Variants in ESR1 observed in about 807,000 individuals in gnomAD.
The protein encoded by ESR1 is estrogen receptor.
ESR1 carries 12 observed loss-of-function variants against 52.7 expected under a neutral mutation model. That is an observed-to-expected ratio of 0.23 (90% CI 0.15 to 0.37). The LOEUF is 0.37. Ranked by LOEUF, ESR1 falls within the 10% of genes least tolerant of loss-of-function variation. ESR1 has a pLI of 1.00. For synonymous variants in ESR1, 305 were observed against 316.8 expected (o/e 0.96, Z 0.39); for missense variants, 584 against 779.7 (o/e 0.75, Z 2.99).
Position 152,061,091 on chromosome 6 carries a change from G to T in ESR1, c.1336G>T (p.Val446Leu). 1 of 1,613,914 alleles carries T rather than the reference G, an allele frequency of 6.2e-7. No individual in the cohort carries two copies. Residue 446 changes from valine (V) to leucine (L), a missense_variant, in exon 6 of 8, where the codon GTG (valine) becomes TTG (leucine). Physicochemically the swap from Val to Leu is conservative, Grantham distance 32. Transcript: ENST00000206249. The surrounding 1 kb of genome is among the most constrained non-coding windows in gnomAD (Gnocchi z 4.3). The stretch of plus-strand genomic sequence containing the variant: ...GATGAATCTGCAGGGAGAGGAGTTT[G>T]TGTGCCTCAAATCTATTATTTTGCT... ...RMMNLQGEEF[V>L]CLKSIILLNS...
intron 2 of ESR1, among the ~76,000 whole-genome samples, chr6:151,872,253 A>G (rs1169415408): frequency 6.6e-6 from 1 of 152,194 alleles, no homozygotes; most frequent in East Asian, 1.9e-4. Context: ...TCTCATATCA[A>G]CAGGTTTTAA....
At chr6:152,050,258 C>A (rs2046572350) in intron 5 of ESR1, among the ~76,000 whole-genome samples, 2 of 152,194 alleles carry the variant, frequency 1.3e-5, no homozygotes, top group South Asian at 4.1e-4. Flanking sequence ...TGCTAAATTG[C>A]TCCATGCATT....
intron 1 of ESR1, among the ~76,000 whole-genome samples, chr6:151,657,853 A>T (rs76929881): frequency 6.6e-6 from 1 of 152,246 alleles, no homozygotes; most frequent in Non-Finnish European, 1.5e-5. Flanking sequence ...GCATTTTCAT[A>T]TCATCCAATC....
At chr6:151,837,624 C>T (rs895899228) in intron 1 of ESR1, among the ~76,000 whole-genome samples, 9 of 152,168 alleles carry the variant, frequency 5.9e-5, no homozygotes, top group East Asian at 1.9e-4. Context: ...GTCATAGATG[C>T]GTTCATTTCT....
intron 4 of ESR1, among the ~76,000 whole-genome samples, chr6:151,964,081 T>C (rs572046319): frequency 2.8e-4 from 42 of 152,334 alleles, no homozygotes; most frequent in African/African-American, 9.4e-4. Flanking sequence ...AGCTTTATAA[T>C]ATATCTTGAA....
chr6:151,906,991 G>A (rs1362592751), intron 3 of ESR1, among the ~76,000 whole-genome samples: 1 of 151,512 alleles, frequency 6.6e-6, no homozygotes, highest in Admixed American at 6.6e-5. Context: ...TTGTCCCAGA[G>A]CAATTAAGCA....
chr6:151,821,874 G>A (rs1193598961), intron 1 of ESR1, among the ~76,000 whole-genome samples: 1 of 152,030 alleles, frequency 6.6e-6, no homozygotes, highest in Non-Finnish European at 1.5e-5. Context: ...GTTTAATATT[G>A]TTCCAGGAAA....
At chr6:152,032,954 T>C (rs2044866324) in intron 5 of ESR1, among the ~76,000 whole-genome samples, 1 of 152,042 alleles carries the variant, frequency 6.6e-6, no homozygotes, top group Non-Finnish European at 1.5e-5. Context: ...TATAGACCAA[T>C]GGAACAGAAC....
At chr6:151,734,071 A>T (rs1782455474) in intron 2 of ESR1, among the ~76,000 whole-genome samples, 1 of 152,180 alleles carries the variant, frequency 6.6e-6, no homozygotes, top group Non-Finnish European at 1.5e-5. Flanking sequence ...TTTGCCTGTA[A>T]CACCTCAGCT....
intron 2 of ESR1, among the ~76,000 whole-genome samples, chr6:151,737,183 T>G (rs1782742963): frequency 6.6e-6 from 1 of 152,230 alleles, no homozygotes; most frequent in African/African-American, 2.4e-5. Flanking sequence ...ATCATTTCCA[T>G]AATTGAATTT....
chr6:152,003,752 A>G (rs2042133898), intron 4 of ESR1, among the ~76,000 whole-genome samples: 3 of 151,958 alleles, frequency 2.0e-5, no homozygotes, highest in African/African-American at 7.2e-5. Context: ...CAAAGATACA[A>G]GTGACATTTT....
chr6:151,741,620 A>G (rs1211353525), intron 2 of ESR1, among the ~76,000 whole-genome samples: 1 of 152,264 alleles, frequency 6.6e-6, no homozygotes, highest in East Asian at 1.9e-4. Context: ...AACATTGTAT[A>G]TGTTTAAGAT....
At chr6:151,748,594 A>G (rs1242625387) in intron 2 of ESR1, among the ~76,000 whole-genome samples, 1 of 152,222 alleles carries the variant, frequency 6.6e-6, no homozygotes, top group African/African-American at 2.4e-5. Context: ...TTCACAGGAA[A>G]AAACAAGTTA....
chr6:151,742,377 G>T (rs958465880), intron 2 of ESR1, among the ~76,000 whole-genome samples: 1 of 151,702 alleles, frequency 6.6e-6, no homozygotes, highest in Non-Finnish European at 1.5e-5. Context: ...GCCACCAACA[G>T]GGTACAGGGT....
chr6:152,056,228 A>G (rs965829100), intron 5 of ESR1, among the ~76,000 whole-genome samples: 17 of 152,202 alleles, frequency 1.1e-4, no homozygotes, highest in African/African-American at 4.1e-4. Flanking sequence ...CAGCATTTTG[A>G]GCACATGCTG....
intron 3 of ESR1, among the ~76,000 whole-genome samples, chr6:151,936,898 A>G (rs2034433043): frequency 6.6e-6 from 1 of 152,150 alleles, no homozygotes; most frequent in African/African-American, 2.4e-5. Flanking sequence ...ACAAGAACAG[A>G]GGAGGTAGGG....
intron 3 of ESR1, among the ~76,000 whole-genome samples, chr6:151,926,077 A>G (rs2032687442): frequency 6.6e-6 from 1 of 152,148 alleles, no homozygotes; most frequent in Non-Finnish European, 1.5e-5. Flanking sequence ...AATCAGCGCA[A>G]TATTTTCTGA....
intron 5 of ESR1, 136 bp downstream of exon 5, chr6:152,011,930 G>A: frequency 3.3e-6 from 3 of 910,154 alleles, no homozygotes; most frequent in Non-Finnish European, 5.0e-6. Flanking sequence ...AGAGTGCATT[G>A]GGGGTGATGA....
chr6:151,929,519 A>T (rs947146817), intron 3 of ESR1, among the ~76,000 whole-genome samples: 3 of 152,208 alleles, frequency 2.0e-5, no homozygotes, highest in African/African-American at 4.8e-5. Context: ...CTGGGCTTAA[A>T]ACCTAGATGA....
Sources: allele counts gnomAD v4.1 joint callset (sites outside exome capture counted in the v4.1 genomes callset), GRCh38; gene constraint gnomAD v4.1.1; non-coding constraint Gnocchi (gnomAD v3.1); transcripts MANE v1.5; gene names NCBI Gene and HGNC (gene_info 2026-07-23, HGNC 2026-07-21).